The following ANKRD13C variants were observed in gnomAD, a reference collection of about 807,000 sequenced individuals.
ANKRD13C encodes the protein ankyrin repeat domain-containing protein 13C.
ANKRD13C carries 16 observed loss-of-function variants against 65.5 expected under a neutral mutation model. The ratio of observed to expected loss-of-function variants is 0.24; its 90% CI spans 0.17 to 0.37. The LOEUF (loss-of-function observed/expected upper bound fraction) is 0.37. Ranked by LOEUF, ANKRD13C falls within the 10% of genes least tolerant of loss-of-function variation. ANKRD13C has a pLI of 1.00. For synonymous variants in ANKRD13C, 235 were observed against 238.7 expected, an observed-to-expected ratio of 0.98 and a Z score of 0.14; for missense variants, 503 against 655.9, an observed-to-expected ratio of 0.77 and a Z score of 2.55.
chr1:70,270,810 C>A, intron 12 of ANKRD13C, 46 bp downstream of exon 12: 1 of 1,309,250 alleles, frequency 7.6e-7, no homozygotes, highest in South Asian at 1.3e-5. Flanking sequence ...TAAACAGCTC[C>A]ATATTCCTAA....
rs780475369 is a variant in ANKRD13C at position 70,354,447 on chromosome 1, A to G, written c.-39T>C. On this transcript the variant is annotated 5_prime_UTR_variant, in exon 1 of 13. Coordinates refer to ENST00000370944, the MANE Select transcript of ANKRD13C (RefSeq NM_030816.5). ...GGCAAGGGGGGGAATCGGGAGGCTCACCGCTGGCGACGGAGCTGGCGCTGC... is the reference window on the plus strand; with the variant it reads ...GGCAAGGGGGGGAATCGGGAGGCTCGCCGCTGGCGACGGAGCTGGCGCTGC... 1.3e-6 allele frequency: 2 copies of G among 1,576,556 alleles called. No homozygotes were observed. Among genetic ancestry groups the G allele is most frequent in the Non-Finnish European group, 1.7e-6 (2 of 1,162,318 alleles).
At chr1:70,282,336 T>A (rs1009833265) in intron 9 of ANKRD13C, among the ~76,000 whole-genome samples, 1 of 151,848 alleles carries the variant, frequency 6.6e-6, no homozygotes, top group Non-Finnish European at 1.5e-5. Flanking sequence ...ATTACAGACA[T>A]GAGACACCGC....
At chr1:70,323,681 GAAGTCCACAAAAAT>G (rs1236469802) in intron 3 of ANKRD13C, among the ~76,000 whole-genome samples, 1 of 151,150 alleles carries the variant, frequency 6.6e-6, no homozygotes, top group African/African-American at 2.4e-5. Context: ...TAAAGTTCAG[GAAGTCCACAAAAAT>G]GTATGTGCGG....
At chr1:70,339,187 G>T (rs971994462) in intron 1 of ANKRD13C, among the ~76,000 whole-genome samples, 5 of 134,904 alleles carry the variant, frequency 3.7e-5, no homozygotes, top group Non-Finnish European at 7.8e-5. Context: ...TCCAGCCTAG[G>T]AAACAAAATG....
chr1:70,301,908 T>C (rs912617713), intron 6 of ANKRD13C, among the ~76,000 whole-genome samples: 1 of 152,140 alleles, frequency 6.6e-6, no homozygotes, highest in African/African-American at 2.4e-5. Flanking sequence ...GCCAAGAAAC[T>C]GGTTGGCCCT....
At chr1:70,299,636 GA>G (rs761573800) in intron 7 of ANKRD13C, among the ~76,000 whole-genome samples, 4 of 152,136 alleles carry the variant, frequency 2.6e-5, no homozygotes, top group Admixed American at 6.5e-5. Context: ...CAGAGTACAA[GA>G]AAAGATATCA....
intron 2 of ANKRD13C, among the ~76,000 whole-genome samples, chr1:70,330,704 T>C (rs1402463875): frequency 5.9e-5 from 9 of 151,932 alleles, no homozygotes; most frequent in Admixed American, 5.9e-4. Flanking sequence ...TTATTAAAGT[T>C]AGAAACCATA....
intron 9 of ANKRD13C, among the ~76,000 whole-genome samples, chr1:70,278,232 C>T (rs1679227048): frequency 6.6e-6 from 1 of 150,802 alleles, no homozygotes; most frequent in African/African-American, 2.4e-5. Flanking sequence ...GTGGCTCATG[C>T]CTGTAATCCT....
At chr1:70,311,639 T>C (rs1028980696) in intron 5 of ANKRD13C, among the ~76,000 whole-genome samples, 15 of 152,186 alleles carry the variant, frequency 9.9e-5, no homozygotes, top group Admixed American at 9.8e-4. Context: ...ATGTTAACAA[T>C]AGTCACCTCT....
chr1:70,322,993 C>CA (rs1210556128), intron 3 of ANKRD13C, among the ~76,000 whole-genome samples: 67 of 140,118 alleles, frequency 4.8e-4, no homozygotes, highest in African/African-American at 1.1e-3. Flanking sequence ...AACTCCGTCT[C>CA]AAAAAAAAAA....
chr1:70,272,249 G>A (rs1483766071), intron 11 of ANKRD13C, among the ~76,000 whole-genome samples: 1 of 150,110 alleles, frequency 6.7e-6, no homozygotes, highest in Admixed American at 6.6e-5. Context: ...TTTTGAGATG[G>A]AGTTTCGCTC....
At chr1:70,281,396 CTTTTTTTTTTTTT>C (rs71583111) in intron 9 of ANKRD13C, among the ~76,000 whole-genome samples, 1 of 85,340 alleles carries the variant, frequency 1.2e-5, no homozygotes, top group Non-Finnish European at 2.3e-5. Flanking sequence ...TGACTAAATT[CTTTTTTTTTTTTT>C]TTTTTTTTTT....
chr1:70,303,196 C>T (rs1680451892), intron 6 of ANKRD13C, among the ~76,000 whole-genome samples: 1 of 152,130 alleles, frequency 6.6e-6, no homozygotes, highest in Admixed American at 6.6e-5. Flanking sequence ...TTCTGTATAT[C>T]CCTGACATAT....
chr1:70,312,368 G>GT (rs372273835), intron 5 of ANKRD13C, among the ~76,000 whole-genome samples: 5,130 of 137,140 alleles, frequency 0.037, 183 homozygotes, highest in African/African-American at 0.1. Flanking sequence ...TTCTATTACT[G>GT]TTTTTTTTTT....
intron 1 of ANKRD13C, among the ~76,000 whole-genome samples, chr1:70,349,762 G>A (rs1375804785): frequency 1.3e-5 from 2 of 152,008 alleles, no homozygotes; most frequent in Non-Finnish European, 1.5e-5. Flanking sequence ...CTGCGTTGAG[G>A]TTAAAAAAAT....
intron 1 of ANKRD13C, among the ~76,000 whole-genome samples, chr1:70,336,501 T>C (rs1682027927): frequency 6.6e-6 from 1 of 151,650 alleles, no homozygotes; most frequent in South Asian, 2.1e-4. Flanking sequence ...TAGAGACAAA[T>C]ATGAAAATAA....
rs1391204716 is a variant in ANKRD13C at position 70,260,283 on chromosome 1, C to A, written c.*2434G>T. 1.3e-5 allele frequency among the ~76,000 whole-genome samples: 2 copies of A among 152,112 alleles called. No homozygotes were observed. Among genetic ancestry groups the A allele is most frequent in the Non-Finnish European group, 2.9e-5 (2 of 67,982 alleles). ...TGAATATCTACAGAGGGCAAATTGT[C>A]TCATCAGAGAATTATTTTCTCAAAG... On this transcript the variant is annotated 3_prime_UTR_variant, in exon 13 of 13. Coordinates refer to ENST00000370944, the MANE Select transcript of ANKRD13C (RefSeq NM_030816.5).
At chr1:70,325,333 G>A (rs914788823) in intron 2 of ANKRD13C, among the ~76,000 whole-genome samples, 8 of 152,130 alleles carry the variant, frequency 5.3e-5, no homozygotes, top group African/African-American at 1.9e-4. Context: ...GAGGATCTGT[G>A]TGTCCATAAT....
chr1:70,319,866 C>T (rs1432686200), intron 3 of ANKRD13C, among the ~76,000 whole-genome samples: 1 of 151,862 alleles, frequency 6.6e-6, no homozygotes. Context: ...GTCTCTCTCC[C>T]TTAAGTAGGA....
Sources: allele counts gnomAD v4.1 joint callset (sites outside exome capture counted in the v4.1 genomes callset), GRCh38; gene constraint gnomAD v4.1.1; transcripts MANE v1.5; gene names NCBI Gene and HGNC (gene_info 2026-07-23, HGNC 2026-07-21).